The following EFCAB11 variants were observed in gnomAD, a reference collection of about 807,000 sequenced individuals.
EFCAB11 encodes the protein EF-hand calcium-binding domain-containing protein 11.
A neutral mutation model predicts 23.0 loss-of-function variants in EFCAB11; 14 were observed. The observed-to-expected ratio is 0.61, with a 90% confidence interval of 0.40 to 0.95. The LOEUF (loss-of-function observed/expected upper bound fraction) is 0.95, where lower values mean the gene tolerates loss of function less well. Among genes scored for constraint, EFCAB11 ranks in the 40% least tolerant of loss-of-function variants. The pLI, the probability that EFCAB11 is intolerant of heterozygous loss-of-function variation, is 0.00. For synonymous variants in EFCAB11, 65 were observed against 66.6 expected (o/e 0.98, Z 0.11); for missense variants, 198 against 195.8 (o/e 1.01, Z -0.07).
intron 5 of EFCAB11, among the ~76,000 whole-genome samples, chr14:89,857,383 A>T (rs1478100119): frequency 6.6e-6 from 1 of 152,230 alleles, no homozygotes; most frequent in East Asian, 1.9e-4. Flanking sequence ...AGGATGAAGA[A>T]TTGAAAGAAA....
intron 5 of EFCAB11, chr14:89,892,403 T>C (rs1455117624): frequency 6.3e-7 from 1 of 1,590,868 alleles, no homozygotes; most frequent in Non-Finnish European, 8.6e-7. Context: ...AATCCCCAGG[T>C]CCCCCAGCAG....
At chr14:89,837,739 G>A (rs1958674) in intron 5 of EFCAB11, among the ~76,000 whole-genome samples, 94,400 of 151,878 alleles carry the variant, frequency 0.62, 31,818 homozygotes, top group Non-Finnish European at 0.77. Flanking sequence ...TGTGAGATTG[G>A]AGGTAGGGGC....
chr14:89,941,733 A>C (rs1029342378), intron 3 of EFCAB11, among the ~76,000 whole-genome samples: 8 of 151,688 alleles, frequency 5.3e-5, no homozygotes, highest in Non-Finnish European at 8.8e-5. Flanking sequence ...TTTAACTTCT[A>C]AAATGGGGAT....
intron 3 of EFCAB11, among the ~76,000 whole-genome samples, chr14:89,939,497 G>A (rs560311275): frequency 6.6e-6 from 1 of 152,136 alleles, no homozygotes; most frequent in African/African-American, 2.4e-5. Context: ...CCAGCAACAG[G>A]AGCAGGAGGC....
At chr14:89,927,418 G>A (rs1179979200) in intron 5 of EFCAB11, among the ~76,000 whole-genome samples, 1 of 152,166 alleles carries the variant, frequency 6.6e-6, no homozygotes, top group African/African-American at 2.4e-5. Context: ...GCTTTTCAGA[G>A]ATCAGCTTTT....
intron 5 of EFCAB11, among the ~76,000 whole-genome samples, chr14:89,840,501 T>C (rs554954651): frequency 1.3e-5 from 2 of 152,352 alleles, no homozygotes; most frequent in Admixed American, 1.3e-4. Flanking sequence ...CTTTCAGTAA[T>C]GACCATTGAG....
At chr14:89,831,665 G>A (rs926755906) in intron 5 of EFCAB11, among the ~76,000 whole-genome samples, 25 of 152,164 alleles carry the variant, frequency 1.6e-4, no homozygotes, top group Admixed American at 2.0e-4. Flanking sequence ...TGAGAATGGT[G>A]AAGGGAAGAA....
chr14:89,952,825 A>T (rs913311333), intron 2 of EFCAB11, among the ~76,000 whole-genome samples: 1 of 152,182 alleles, frequency 6.6e-6, no homozygotes, highest in Admixed American at 6.5e-5. Context: ...AGAGTGAGGG[A>T]TGGCATTCCA....
chr14:89,870,340 G>A (rs1888226135), intron 5 of EFCAB11, among the ~76,000 whole-genome samples: 1 of 152,144 alleles, frequency 6.6e-6, no homozygotes, highest in East Asian at 1.9e-4. Context: ...TTTCTCCCAG[G>A]AAGGTGGGGA....
intron 5 of EFCAB11, among the ~76,000 whole-genome samples, chr14:89,858,351 A>G (rs1887818373): frequency 6.6e-6 from 1 of 152,058 alleles, no homozygotes; most frequent in South Asian, 2.1e-4. Context: ...CAGCAAAGCC[A>G]CTCCCAGATT....
At chr14:89,815,232 AAAG>A (rs984132475) in intron 5 of EFCAB11, among the ~76,000 whole-genome samples, 1 of 152,178 alleles carries the variant, frequency 6.6e-6, no homozygotes, top group African/African-American at 2.4e-5. Context: ...GGGGGTGGGA[AAAG>A]AAGGCACAAA....
upstream of EFCAB11, chr14:89,954,730 T>TACCGCGGCCACGCCC: frequency 6.4e-7 from 1 of 1,557,298 alleles, no homozygotes. Context: ...GCTGGCAGCC[T>TACCGCGGCCACGCCC]ACCGCGGCCA....
chr14:89,891,701 A>G lies in EFCAB11; in HGVS notation c.410+39840T>C, dbSNP rs576030153. ...TTTAGACACAAACACACACACACAC[A>G]CGCACGCGCACACGCACACACCACC... is the stretch of plus-strand genomic sequence containing the variant. On this transcript the variant is annotated intron_variant, in intron 5 of 5. Coordinates refer to ENST00000316738, the MANE Select transcript of EFCAB11 (RefSeq NM_145231.4). Among the ~76,000 whole-genome samples the G allele has an allele frequency of 5.3e-5, 8 of 152,168 alleles. No individual in the cohort carries two copies. In the East Asian group the frequency reaches 1.3e-3, roughly 26 times the overall value.
chr14:89,826,902 A>T (rs1886708957), intron 5 of EFCAB11, among the ~76,000 whole-genome samples: 1 of 152,144 alleles, frequency 6.6e-6, no homozygotes, highest in African/African-American at 2.4e-5. Context: ...CCGATTACTA[A>T]CATTCCATTT....
At chr14:89,950,778 C>T (rs1359264940) in intron 2 of EFCAB11, among the ~76,000 whole-genome samples, 2 of 152,116 alleles carry the variant, frequency 1.3e-5, no homozygotes, top group Admixed American at 6.5e-5. Context: ...TTAGAGCCTT[C>T]GCAGCATCTG....
At chr14:89,831,678 G>C (rs1886888018) in intron 5 of EFCAB11, among the ~76,000 whole-genome samples, 1 of 152,110 alleles carries the variant, frequency 6.6e-6, no homozygotes, top group Non-Finnish European at 1.5e-5. Context: ...GGGAAGAATG[G>C]AAGGAAAAAA....
intron 5 of EFCAB11, among the ~76,000 whole-genome samples, chr14:89,826,024 T>C (rs752530264): frequency 5.8e-4 from 88 of 152,302 alleles, no homozygotes; most frequent in South Asian, 1.5e-3. Flanking sequence ...GACAGGTTTC[T>C]GCCCTAATGG....
chr14:89,808,021 G>A (rs1367357731), intron 5 of EFCAB11, among the ~76,000 whole-genome samples: 1 of 152,096 alleles, frequency 6.6e-6, no homozygotes, highest in Non-Finnish European at 1.5e-5. Flanking sequence ...AAAAGAAGCC[G>A]GGATAATTGG....
intron 5 of EFCAB11, among the ~76,000 whole-genome samples, chr14:89,920,181 TC>T (rs1889978428): frequency 6.6e-6 from 1 of 152,260 alleles, no homozygotes; most frequent in Non-Finnish European, 1.5e-5. Flanking sequence ...TGGAATGCCT[TC>T]TACAGTTTGA....
Sources: gnomAD v4.1 joint callset for allele counts (sites outside exome capture counted in the v4.1 genomes callset) on GRCh38, gnomAD v4.1.1 for gene constraint, MANE v1.5 for transcripts, NCBI Gene and HGNC (gene_info 2026-07-23, HGNC 2026-07-21) for gene names.